The following GPD2 variants were observed in gnomAD, a reference collection of about 807,000 sequenced individuals.
The protein encoded by GPD2 is glycerol-3-phosphate dehydrogenase, mitochondrial.
A neutral mutation model predicts 82.4 loss-of-function variants in GPD2; 54 were observed. The ratio of observed to expected loss-of-function variants is 0.66; its 90% CI spans 0.53 to 0.82. GPD2 has a LOEUF of 0.82. Ranked by LOEUF, GPD2 falls within the 40% of genes least tolerant of loss-of-function variation. The probability of loss-of-function intolerance (pLI) is 0.00; values close to 1 mark genes in which losing one functional copy is unlikely to be tolerated. For synonymous variants in GPD2, 288 were observed against 306.1 expected (o/e 0.94, Z 0.62); for missense variants, 748 against 896.2 (o/e 0.83, Z 2.11).
At chr2:156,511,926 C>CAG (rs1685011463) in intron 4 of GPD2, among the ~76,000 whole-genome samples, 1 of 152,090 alleles carries the variant, frequency 6.6e-6, no homozygotes, top group Admixed American at 6.5e-5. Flanking sequence ...GGAGACAATC[C>CAG]AGAGGATGCA....
At chr2:156,424,114 C>T in the GPD2 span, among the ~76,000 whole-genome samples, 1 of 151,968 alleles carries the variant, frequency 6.6e-6, no homozygotes, top group South Asian at 2.1e-4. Flanking sequence ...TAAGCAGCAG[C>T]CCATCATCCA....
chr2:156,502,117 T>C (rs989704146), intron 3 of GPD2, among the ~76,000 whole-genome samples: 4 of 152,104 alleles, frequency 2.6e-5, no homozygotes, highest in African/African-American at 9.7e-5. Flanking sequence ...TGTGTGTGTG[T>C]GTGTGTGTCT....
the GPD2 span, among the ~76,000 whole-genome samples, chr2:156,414,306 T>C: frequency 1.3e-5 from 2 of 152,230 alleles, no homozygotes; most frequent in Non-Finnish European, 2.9e-5. Flanking sequence ...AAATAACGTA[T>C]AAGTGACTAT....
In GPD2 at chr2:156,512,242, T is replaced by TTC. The variant is rs1466103004; in HGVS notation, c.423_424dup (p.His142LeufsTer8). 6.3e-7 allele frequency: 1 copy of TTC among 1,592,340 alleles called. No homozygotes were observed. The highest frequency in any genetic ancestry group is 8.6e-7 in the Non-Finnish European group (1 of 1,160,182). ...CAGTATAGGATGGTAAAAGAAGCCCTTCATGAGCGTGCCAACCTGCTAGAA... is the reference window on the plus strand; with the variant it reads ...CAGTATAGGATGGTAAAAGAAGCCCTTCTCATGAGCGTGCCAACCTGCTAGAA... On this transcript the variant is annotated frameshift_variant, in exon 5 of 17. Coordinates refer to ENST00000438166, the MANE Select transcript of GPD2 (RefSeq NM_000408.5). LOFTEE classifies it high-confidence loss of function.
intron 13 of GPD2, among the ~76,000 whole-genome samples, chr2:156,577,206 G>A (rs1687853259): frequency 6.6e-6 from 1 of 152,180 alleles, no homozygotes; most frequent in African/African-American, 2.4e-5. Flanking sequence ...TGATGGCTGG[G>A]CACAGTGCTT....
At chr2:156,486,036 TA>T (rs1683927176) in intron 2 of GPD2, among the ~76,000 whole-genome samples, 1 of 152,230 alleles carries the variant, frequency 6.6e-6, no homozygotes. Context: ...GTCTGATATC[TA>T]AAGCTTGATG....
intron 1 of GPD2, among the ~76,000 whole-genome samples, chr2:156,444,066 A>G (rs1001258225): frequency 7.9e-5 from 12 of 152,196 alleles, no homozygotes; most frequent in African/African-American, 2.9e-4. Flanking sequence ...TCCTTGTCAA[A>G]TAAGGTGGCT....
chr2:156,504,996 T>A (rs1684732402), intron 3 of GPD2, among the ~76,000 whole-genome samples: 1 of 152,162 alleles, frequency 6.6e-6, no homozygotes, highest in South Asian at 2.1e-4. Flanking sequence ...ATATTGAGCA[T>A]GTTTTCATGC....
At chr2:156,491,153 T>G (rs773255854) in intron 2 of GPD2, among the ~76,000 whole-genome samples, 1 of 152,244 alleles carries the variant, frequency 6.6e-6, no homozygotes, top group Non-Finnish European at 1.5e-5. Flanking sequence ...TTTCAGATTC[T>G]GTGCTTTGCT....
chr2:156,547,415 G>A (rs1351563012), intron 6 of GPD2, among the ~76,000 whole-genome samples: 1 of 152,184 alleles, frequency 6.6e-6, no homozygotes, highest in Non-Finnish European at 1.5e-5. Flanking sequence ...ATAAGTGTGT[G>A]TAAAGGCAAG....
intron 6 of GPD2, among the ~76,000 whole-genome samples, chr2:156,539,542 A>G (rs1209568436): frequency 2.6e-5 from 4 of 152,184 alleles, no homozygotes; most frequent in Non-Finnish European, 5.9e-5. Flanking sequence ...AAAGAGAGAA[A>G]TCTGATAAGG....
At chr2:156,527,947 TTC>T (rs1413120669) in intron 6 of GPD2, among the ~76,000 whole-genome samples, 1 of 152,146 alleles carries the variant, frequency 6.6e-6, no homozygotes, top group African/African-American at 2.4e-5. Flanking sequence ...TCACAGGCAG[TTC>T]TCTCTTTTAA....
chr2:156,546,567 G>T (rs1318467222), intron 6 of GPD2, among the ~76,000 whole-genome samples: 2 of 152,186 alleles, frequency 1.3e-5, no homozygotes, highest in African/African-American at 4.8e-5. Context: ...AATGGATTAA[G>T]CTGAATGTCT....
intron 6 of GPD2, among the ~76,000 whole-genome samples, chr2:156,538,859 A>G (rs1002903781): frequency 3.3e-5 from 5 of 151,654 alleles, no homozygotes; most frequent in African/African-American, 1.2e-4. Context: ...TTGCCTAGTA[A>G]CTATAGAGTT....
At chr2:156,474,966 G>A (rs965490065) in intron 1 of GPD2, among the ~76,000 whole-genome samples, 1 of 149,552 alleles carries the variant, frequency 6.7e-6, no homozygotes, top group African/African-American at 2.5e-5. Context: ...AAGAAAGAAA[G>A]AAAAAAAAAT....
the GPD2 span, among the ~76,000 whole-genome samples, chr2:156,417,530 G>C: frequency 2.0e-5 from 3 of 152,010 alleles, no homozygotes; most frequent in Non-Finnish European, 4.4e-5. Flanking sequence ...CATATTTATT[G>C]AGCACCTATT....
chr2:156,523,670 C>CCAGATAGATAGA (rs548547563), intron 6 of GPD2, among the ~76,000 whole-genome samples: 1 of 146,590 alleles, frequency 6.8e-6, no homozygotes, highest in Non-Finnish European at 1.5e-5. Flanking sequence ...AATTTCTTTT[C>CCAGATAGATAGA]TAGATAGATA....
the GPD2 span, among the ~76,000 whole-genome samples, chr2:156,425,915 T>C: frequency 6.7e-6 from 1 of 150,340 alleles, no homozygotes; most frequent in Non-Finnish European, 1.5e-5. Context: ...ACTGCCGGAG[T>C]CTGGGTACTT....
At chr2:156,566,761 A>G (rs1377015331) in intron 9 of GPD2, among the ~76,000 whole-genome samples, 1 of 152,114 alleles carries the variant, frequency 6.6e-6, no homozygotes, top group East Asian at 1.9e-4. Flanking sequence ...TAAATGTTTA[A>G]TTTTTGAGGA....
Sources: gnomAD v4.1 joint callset for allele counts (sites outside exome capture counted in the v4.1 genomes callset) on GRCh38, gnomAD v4.1.1 for gene constraint, MANE v1.5 for transcripts, NCBI Gene and HGNC (gene_info 2026-07-23, HGNC 2026-07-21) for gene names.